Variants in CCDC181 observed in about 807,000 individuals in gnomAD.
CCDC181 encodes the protein coiled-coil domain-containing protein 181.
A neutral mutation model predicts 58.7 loss-of-function variants in CCDC181; 35 were observed. That is an observed-to-expected ratio of 0.60 (90% CI 0.46 to 0.79). The LOEUF is 0.79. Ranked by LOEUF, CCDC181 falls within the 30% of genes least tolerant of loss-of-function variation. The probability of loss-of-function intolerance (pLI) is 0.00; values close to 1 mark genes in which losing one functional copy is unlikely to be tolerated. For synonymous variants in CCDC181, 183 were observed against 197.5 expected (o/e 0.93, Z 0.62); for missense variants, 517 against 583.9 (o/e 0.89, Z 1.18).
intron 4 of CCDC181, among the ~76,000 whole-genome samples, chr1:169,405,820 A>G (rs753499254): frequency 1.2e-4 from 19 of 152,228 alleles, no homozygotes; most frequent in Non-Finnish European, 2.4e-4. Flanking sequence ...TAATTAAAAT[A>G]AAGAGCTTCT....
chr1:169,442,351 A>G (rs1159589708), intron 2 of CCDC181, among the ~76,000 whole-genome samples: 1 of 151,136 alleles, frequency 6.6e-6, no homozygotes, highest in Non-Finnish European at 1.5e-5. Context: ...ACCCAGTTGC[A>G]AAAAAAAAGT....
intron 2 of CCDC181, among the ~76,000 whole-genome samples, chr1:169,449,292 T>C (rs1203809563): frequency 6.6e-6 from 1 of 152,198 alleles, no homozygotes. Flanking sequence ...TGTTTTAATA[T>C]GGCTAGGAGG....
At chr1:169,423,687 T>C (rs922816723) in intron 2 of CCDC181, among the ~76,000 whole-genome samples, 2 of 151,998 alleles carry the variant, frequency 1.3e-5, no homozygotes, top group African/African-American at 4.8e-5. Flanking sequence ...AAACAATAAA[T>C]CATCCCTATT....
intron 4 of CCDC181, among the ~76,000 whole-genome samples, chr1:169,416,766 C>T (rs1195048498): frequency 6.6e-6 from 1 of 152,038 alleles, no homozygotes; most frequent in East Asian, 1.9e-4. Flanking sequence ...CAAATTTCTC[C>T]ATATTTCCTC....
intron 2 of CCDC181, among the ~76,000 whole-genome samples, chr1:169,449,394 C>T (rs1001603133): frequency 1.3e-5 from 2 of 152,108 alleles, no homozygotes; most frequent in Admixed American, 6.5e-5. Context: ...TTTGGGCCTC[C>T]CTGTATTAGT....
At chr1:169,403,108 C>T (rs143178029) in intron 4 of CCDC181, among the ~76,000 whole-genome samples, 32 of 152,104 alleles carry the variant, frequency 2.1e-4, no homozygotes, top group African/African-American at 5.1e-4. Flanking sequence ...ATGAGAAGAG[C>T]GAACTATCCT....
At position 169,397,408 on chromosome 1, in the gene CCDC181, G is replaced by A. The variant is rs765002847; in HGVS notation, c.1216-17C>T. On this transcript the variant is annotated splice_polypyrimidine_tract_variant and intron_variant, in intron 4 of 5. Transcript: ENST00000367806. ...GTTTTCCTGCTGATTAGAAAAACAA[G>A]CTTTACTTAGTTTAGATAAACAAGA... 5.7e-6 allele frequency: 9 copies of A among 1,586,856 alleles called. No homozygotes were observed. The highest frequency in any genetic ancestry group is 7.7e-6 in the Non-Finnish European group (9 of 1,168,850).
At chr1:169,395,781 A>C (rs1248347178) in intron 5 of CCDC181, 1 of 152,174 alleles carries the variant, frequency 6.6e-6, no homozygotes, top group Non-Finnish European at 1.5e-5. Context: ...TAGCAAAAAT[A>C]ACTGCATATA....
intron 4 of CCDC181, among the ~76,000 whole-genome samples, chr1:169,398,929 G>GA (rs1162751816): frequency 1.3e-5 from 2 of 152,186 alleles, no homozygotes; most frequent in Non-Finnish European, 2.9e-5. Context: ...GATATCTGGA[G>GA]AAAAACAGTG....
intron 2 of CCDC181, among the ~76,000 whole-genome samples, chr1:169,447,795 G>C (rs1238775709): frequency 6.6e-6 from 1 of 151,980 alleles, no homozygotes; most frequent in African/African-American, 2.4e-5. Context: ...ATTTTGTATT[G>C]TCTGAAATCA....
At chr1:169,451,615 AT>A (rs1410282842) in intron 2 of CCDC181, among the ~76,000 whole-genome samples, 1 of 152,084 alleles carries the variant, frequency 6.6e-6, no homozygotes, top group Non-Finnish European at 1.5e-5. Context: ...AGCAGAACAA[AT>A]AGTTCTGTTT....
intron 2 of CCDC181, among the ~76,000 whole-genome samples, chr1:169,448,575 C>A (rs547504646): frequency 6.6e-6 from 1 of 152,142 alleles, no homozygotes; most frequent in South Asian, 2.1e-4. Flanking sequence ...AATCTCCCAT[C>A]TGGTGGCTTT....
upstream of CCDC181, among the ~76,000 whole-genome samples, chr1:169,432,096 G>A (rs1226973792): frequency 6.6e-5 from 10 of 152,098 alleles, no homozygotes; most frequent in Non-Finnish European, 1.5e-4. Context: ...AAGGAAAGAT[G>A]TGGAGAAAGT....
At chr1:169,454,394 T>C (rs1657630044) in intron 2 of CCDC181, 1 of 152,102 alleles carries the variant, frequency 6.6e-6, no homozygotes, top group Non-Finnish European at 1.5e-5. Context: ...AAAGATATAA[T>C]ATCTTAATAT....
At chr1:169,415,642 A>G (rs1209162165) in intron 4 of CCDC181, among the ~76,000 whole-genome samples, 1 of 152,146 alleles carries the variant, frequency 6.6e-6, no homozygotes, top group Non-Finnish European at 1.5e-5. Flanking sequence ...TTTTCCTGAG[A>G]AAACCCATCC....
intron 2 of CCDC181, among the ~76,000 whole-genome samples, chr1:169,446,479 C>T (rs1657377422): frequency 6.6e-6 from 1 of 152,038 alleles, no homozygotes; most frequent in African/African-American, 2.4e-5. Context: ...TGCCCTTCTT[C>T]ATTTAGCTTC....
intron 4 of CCDC181, among the ~76,000 whole-genome samples, chr1:169,404,846 A>G (rs368288048): frequency 6.6e-6 from 1 of 152,218 alleles, no homozygotes; most frequent in Non-Finnish European, 1.5e-5. Flanking sequence ...AGTGTATTCA[A>G]TTAGGAAAAG....
At chr1:169,454,453 T>C (rs1445079018) in intron 2 of CCDC181, 2 of 152,010 alleles carry the variant, frequency 1.3e-5, no homozygotes, top group Non-Finnish European at 2.9e-5. Context: ...TAATTGAAGT[T>C]TATATTGGGG....
chr1:169,417,063 A>T (rs1197711714), intron 4 of CCDC181, among the ~76,000 whole-genome samples: 1 of 152,220 alleles, frequency 6.6e-6, no homozygotes, highest in Non-Finnish European at 1.5e-5. Flanking sequence ...CTTCTCATTC[A>T]CACTCAACAC....
Sources: gnomAD v4.1 joint callset for allele counts (sites outside exome capture counted in the v4.1 genomes callset) on GRCh38, gnomAD v4.1.1 for gene constraint, MANE v1.5 for transcripts, NCBI Gene and HGNC (gene_info 2026-07-23, HGNC 2026-07-21) for gene names.